Variants in RPL10A observed in about 807,000 individuals in gnomAD.
RPL10A encodes large ribosomal subunit protein uL1.
RPL10A carries 11 observed loss-of-function variants against 24.6 expected under a neutral mutation model. That is an observed-to-expected ratio of 0.45 (90% CI 0.28 to 0.74). The LOEUF (loss-of-function observed/expected upper bound fraction) is 0.74. Ranked by LOEUF, RPL10A falls within the 30% of genes least tolerant of loss-of-function variation. The pLI is 0.13. For synonymous variants in RPL10A, 98 were observed against 108.5 expected (o/e 0.90, Z 0.60); for missense variants, 136 against 273.1 (o/e 0.50, Z 3.54).
At position 35,470,174 on chromosome 6, in the gene RPL10A, A is replaced by C; in HGVS notation, c.311-5A>C. On this transcript the variant is annotated splice_polypyrimidine_tract_variant and splice_region_variant and intron_variant, in intron 4 of 5. Coordinates refer to ENST00000322203, the MANE Select transcript of RPL10A (RefSeq NM_007104.5). The surrounding 1 kb of genome is among the most constrained non-coding windows in gnomAD (Gnocchi z 4.6). ...GCAATGCCAATGGCTTCCTCTCTCTATCAGCCAAGAAGTATGATGCGTTTT... is the reference window on the plus strand; with the variant it reads ...GCAATGCCAATGGCTTCCTCTCTCTCTCAGCCAAGAAGTATGATGCGTTTT... 2 of 1,611,352 alleles carry C rather than the reference A, an allele frequency of 1.2e-6. No individual in the cohort carries two copies. The highest frequency in any genetic ancestry group is 1.7e-6 in the Non-Finnish European group (2 of 1,178,000).
Position 35,470,033 on chromosome 6 carries a change from G to A in RPL10A, c.311-146G>A, listed in dbSNP as rs1180601779. ...CTTTCTGGAAACCGTTTGGGCTAGG[G>A]AAAAGACTGAGGCGGGGTCTTAGAG... On this transcript the variant is annotated intron_variant, in intron 4 of 5. Transcript: ENST00000322203. The surrounding 1 kb of genome is among the most constrained non-coding windows in gnomAD (Gnocchi z 4.6). The A allele has an allele frequency of 8.4e-6, 6 of 712,148 alleles. No homozygotes were observed. The highest frequency in any genetic ancestry group is 1.4e-5 in the Non-Finnish European group (6 of 438,630). The allele number at this position is 712,148 out of a possible 1,614,324, so 44.1% of individuals were successfully genotyped here.
Position 35,469,469 on chromosome 6 carries a change from C to G in RPL10A, c.250C>G (p.His84Asp). 6.2e-7 allele frequency: 1 copy of G among 1,613,972 alleles called. No homozygotes were observed. Residue 84 changes from histidine (H) to aspartate (D), a missense_variant, in exon 4 of 6, where the codon CAC becomes GAC. By Grantham distance (81) the His-to-Asp change is moderately conservative. Around this residue, in one of 3 missense-constraint regions of RPL10A, gnomAD observed 88 missense variants for 149.2 expected, o/e 0.59. Transcript: ENST00000322203. ...CGAGGCTAAGGCCGTGGATATCCCCCACATGGACATCGAGGCGCTGAAAAA... is the reference window on the plus strand; with the variant it reads ...CGAGGCTAAGGCCGTGGATATCCCCGACATGGACATCGAGGCGCTGAAAAA... ...CDEAKAVDIP[H>D]MDIEALKKLN...
intron 3 of RPL10A, 75 bp downstream of exon 3, chr6:35,469,102 C>G (rs752779170): frequency 6.3e-7 from 1 of 1,588,074 alleles, no homozygotes; most frequent in Non-Finnish European, 8.6e-7. Context: ...CCCGCTGAGC[C>G]GGAGGCGGGC....
In RPL10A at chr6:35,468,908, G is replaced by A. The variant is rs45445995; in HGVS notation, c.80+35G>A. 335 of 1,613,464 alleles carry A rather than the reference G, an allele frequency of 2.1e-4. 1 individual carries two copies. In the African/African-American group the frequency reaches 3.9e-3, roughly 19 times the overall value. On this transcript the variant is annotated intron_variant, in intron 2 of 5. Coordinates refer to ENST00000322203, the MANE Select transcript of RPL10A (RefSeq NM_007104.5). ...GACCCTGGGGCACGGCGCGGGTGGC[G>A]AGGGCCGGCGGGTGCTTAACCCCCC...
rs557564795 is a variant in RPL10A at position 35,468,530 on chromosome 6, C to G, written c.5+91C>G. On this transcript the variant is annotated intron_variant, in intron 1 of 5. Coordinates refer to ENST00000322203, the MANE Select transcript of RPL10A (RefSeq NM_007104.5). Reference sequence around the variant, plus strand: ...GATCCTGTAGGCCGCGCCGCGGACCCTTGCGCCACCTGCGCCGCGGGGCAT... The same window carrying G: ...GATCCTGTAGGCCGCGCCGCGGACCGTTGCGCCACCTGCGCCGCGGGGCAT... 88 of 1,609,888 alleles carry G rather than the reference C, an allele frequency of 5.5e-5. No homozygotes were observed. In the South Asian group the frequency reaches 9.1e-4, roughly 17 times the overall value.
chr6:35,469,710 G>C (rs1026961075), intron 4 of RPL10A, among the ~76,000 whole-genome samples, 181 bp downstream of exon 4: 4 of 152,170 alleles, frequency 2.6e-5, no homozygotes, highest in Non-Finnish European at 5.9e-5. Flanking sequence ...GTATTGCTAT[G>C]AGGATTCCAG....
intron 1 of RPL10A, 37 bp downstream of exon 1, chr6:35,468,476 G>A (rs1204959922): frequency 1.9e-6 from 3 of 1,613,656 alleles, no homozygotes; most frequent in Non-Finnish European, 2.5e-6. Flanking sequence ...GCGTTCATCC[G>A]CGCCTTCAGG....
Position 35,468,933 on chromosome 6 carries a change from CT to C in RPL10A, c.81-13del, listed in dbSNP as rs751768707. Reference sequence around the variant, plus strand: ...GAGGGCCGGCGGGTGCTTAACCCCCCTCCTCTCTCGAAGGTTCCTGGAGACG... The same window carrying C: ...GAGGGCCGGCGGGTGCTTAACCCCCCCCTCTCTCGAAGGTTCCTGGAGACG... On this transcript the variant is annotated splice_polypyrimidine_tract_variant and intron_variant, in intron 2 of 5. Coordinates refer to ENST00000322203, the MANE Select transcript of RPL10A (RefSeq NM_007104.5). 5 of 1,613,938 alleles carry C rather than the reference CT, an allele frequency of 3.1e-6. No individual in the cohort carries two copies. The highest frequency in any genetic ancestry group is 2.2e-5 in the East Asian group (1 of 44,860).
intron 1 of RPL10A, 151 bp downstream of exon 1, chr6:35,468,590 C>T (rs1767917040): frequency 1.3e-6 from 2 of 1,563,584 alleles, no homozygotes; most frequent in Middle Eastern, 2.2e-4. Flanking sequence ...GTCGCCCTTC[C>T]TACCAGGTCC....
rs370200184 is a variant in RPL10A, at chr6:35,468,891, G to A, written c.80+18G>A. Reference sequence around the variant, plus strand: ...CGCCGCAAGTGAGTGCCGACCCTGGGGCACGGCGCGGGTGGCGAGGGCCGG... The same window carrying A: ...CGCCGCAAGTGAGTGCCGACCCTGGAGCACGGCGCGGGTGGCGAGGGCCGG... On this transcript the variant is annotated intron_variant, in intron 2 of 5. Transcript: ENST00000322203. The A allele has an allele frequency of 1.2e-6, 2 of 1,613,226 alleles. No individual in the cohort carries two copies. Among genetic ancestry groups the A allele is most frequent in the East Asian group, 2.2e-5 (1 of 44,842 alleles).
rs1554123384 is a variant in RPL10A, at chr6:35,470,165, C to T, written c.311-14C>T. 2.5e-6 allele frequency: 4 copies of T among 1,609,248 alleles called. No individual in the cohort carries two copies. Among genetic ancestry groups the T allele is most frequent in the Non-Finnish European group, 3.4e-6 (4 of 1,176,494 alleles). ...AGGTTCTAAGCAATGCCAATGGCTT[C>T]CTCTCTCTATCAGCCAAGAAGTATG... On this transcript the variant is annotated splice_polypyrimidine_tract_variant and intron_variant, in intron 4 of 5. Coordinates refer to ENST00000322203, the MANE Select transcript of RPL10A (RefSeq NM_007104.5). This position sits in a 1 kb window ranked among gnomAD's most constrained non-coding sequence, Gnocchi z 4.6.
Position 35,468,433 on chromosome 6 carries a change from C to G in RPL10A, c.-2C>G, listed in dbSNP as rs371703850. On this transcript the variant is annotated 5_prime_UTR_variant, in exon 1 of 6. Coordinates refer to ENST00000322203, the MANE Select transcript of RPL10A (RefSeq NM_007104.5). ...TTTCCGGTTAGCGCGGCGTGAGAAG[C>G]CATGAGGTGAGTTGGTCCTGAAAGC... 8 of 1,613,954 alleles carry G rather than the reference C, an allele frequency of 5.0e-6. No homozygotes were observed. The East Asian group carries it at 1.6e-4, about 31-fold the overall frequency.
Position 35,470,118 on chromosome 6 carries a change from T to A in RPL10A, c.311-61T>A. On this transcript the variant is annotated intron_variant, in intron 4 of 5. Coordinates refer to ENST00000322203, the MANE Select transcript of RPL10A (RefSeq NM_007104.5). The surrounding 1 kb of genome is among the most constrained non-coding windows in gnomAD (Gnocchi z 4.6). ...TCAAGTGCGTTTCTGGCCTGCCACA[T>A]TTGAGGTGTGCCTTGGTGACCAGGT... is the stretch of plus-strand genomic sequence containing the variant. The A allele has an allele frequency of 1.3e-6, 2 of 1,522,174 alleles. No homozygotes were observed. Among genetic ancestry groups the A allele is most frequent in the Non-Finnish European group, 1.8e-6 (2 of 1,111,982 alleles). 94.3% of individuals were successfully genotyped at this position (1,522,174 alleles called of 1,614,324 possible).
In RPL10A at chr6:35,468,431, A is replaced by T. The variant is rs564153440; in HGVS notation, c.-4A>T. The T allele has an allele frequency of 1.4e-5, 23 of 1,614,046 alleles. No individual in the cohort carries two copies. In the East Asian group the frequency reaches 4.0e-4, roughly 28 times the overall value. ...CTTTTCCGGTTAGCGCGGCGTGAGA[A>T]GCCATGAGGTGAGTTGGTCCTGAAA... On this transcript the variant is annotated 5_prime_UTR_variant, in exon 1 of 6. The change creates a new upstream start codon in the 5' untranslated region. Transcript: ENST00000322203.
intron 1 of RPL10A, 144 bp from the exon 2 acceptor site, chr6:35,468,654 CG>C: frequency 6.6e-7 from 1 of 1,513,726 alleles, no homozygotes. Flanking sequence ...TCTGAGCTCC[CG>C]TCGCTCTACT....
chr6:35,469,575 G>A, intron 4 of RPL10A, 46 bp downstream of exon 4: 1 of 1,580,914 alleles, frequency 6.3e-7, no homozygotes. Flanking sequence ...TGTGGTGGGG[G>A]CGGTAGAAAG....
intron 3 of RPL10A, 174 bp from the exon 4 acceptor site, chr6:35,469,207 A>T: frequency 6.8e-7 from 1 of 1,468,318 alleles, no homozygotes; most frequent in South Asian, 1.4e-5. Context: ...ACATGAGGGG[A>T]GGCGTGGGTA....
Position 35,468,946 on chromosome 6 carries a change from G to A in RPL10A, c.81-1G>A. 1 of 1,614,022 alleles carries A rather than the reference G, an allele frequency of 6.2e-7. No homozygotes were observed. The highest frequency in any genetic ancestry group is 8.5e-7 in the Non-Finnish European group (1 of 1,179,924). On this transcript the variant is annotated splice_acceptor_variant, in intron 2 of 5. Transcript: ENST00000322203. LOFTEE classifies it high-confidence loss of function. ...TGCTTAACCCCCCTCCTCTCTCGAA[G>A]GTTCCTGGAGACGGTGGAGTTGCAG...
At chr6:35,469,599 T>C (rs1419912870) in intron 4 of RPL10A, 70 bp downstream of exon 4, 6 of 1,510,298 alleles carry the variant, frequency 4.0e-6, no homozygotes, top group African/African-American at 1.4e-5. Context: ...TTTCTGCCAT[T>C]TTCGATTTTT....
Sources: allele counts gnomAD v4.1 joint callset (sites outside exome capture counted in the v4.1 genomes callset), GRCh38; gene constraint gnomAD v4.1.1; regional missense constraint gnomAD v4.1.1; non-coding constraint Gnocchi (gnomAD v3.1); transcripts MANE v1.5; gene names NCBI Gene and HGNC (gene_info 2026-07-23, HGNC 2026-07-21).